VDAC1: variants seen among roughly 807,000 people sequenced by gnomAD.
The protein encoded by VDAC1 is voltage dependent anion channel 1.
A neutral mutation model predicts 34.7 loss-of-function variants in VDAC1; 10 were observed. The observed-to-expected ratio is 0.29, with a 90% confidence interval of 0.18 to 0.49. The LOEUF (loss-of-function observed/expected upper bound fraction) is 0.49. Among genes scored for constraint, VDAC1 ranks in the 20% least tolerant of loss-of-function variants. VDAC1 has a pLI of 0.99. For missense variants in VDAC1, 230 were observed against 347.9 expected, an observed-to-expected ratio of 0.66 and a Z score of 2.69; for synonymous variants, 130 against 136.0, an observed-to-expected ratio of 0.96 and a Z score of 0.30.
the VDAC1 span, among the ~76,000 whole-genome samples, chr5:134,071,553 C>T: frequency 6.6e-6 from 1 of 152,262 alleles, no homozygotes; most frequent in African/African-American, 2.4e-5. This position sits in a 1 kb window ranked among gnomAD's most constrained non-coding sequence, Gnocchi z 4.1. Context: ...ATGCAGATGA[C>T]CAGCTTCACC....
At chr5:134,065,963 T>G in the VDAC1 span, among the ~76,000 whole-genome samples, 1 of 151,234 alleles carries the variant, frequency 6.6e-6, no homozygotes, top group African/African-American at 2.4e-5. Context: ...CTGGCTAATT[T>G]CATATTTTTA....
the VDAC1 span, among the ~76,000 whole-genome samples, chr5:134,092,170 C>T: frequency 1.3e-5 from 2 of 152,194 alleles, no homozygotes; most frequent in Non-Finnish European, 2.9e-5. Flanking sequence ...ATCCCTTAAT[C>T]CAAATCCTGT....
intron 1 of VDAC1, among the ~76,000 whole-genome samples, chr5:133,994,552 C>A (rs1175458296): frequency 2.0e-5 from 3 of 152,156 alleles, no homozygotes; most frequent in Non-Finnish European, 4.4e-5. Flanking sequence ...GGGGGCTCCC[C>A]TCTCCCCACT....
chr5:133,984,057 T>A (rs1459408269), intron 5 of VDAC1, among the ~76,000 whole-genome samples: 1 of 151,984 alleles, frequency 6.6e-6, no homozygotes, highest in African/African-American at 2.4e-5. Context: ...TATCCTCAGG[T>A]ATTTTTTTCT....
chr5:134,021,804 G>A, the VDAC1 span, among the ~76,000 whole-genome samples: 1 of 152,158 alleles, frequency 6.6e-6, no homozygotes, highest in East Asian at 1.9e-4. Flanking sequence ...TACTTCTGGT[G>A]TGGGGCTGGC....
At chr5:134,001,715 T>TA (rs10717143) in intron 1 of VDAC1, among the ~76,000 whole-genome samples, 44,943 of 110,098 alleles carry the variant, frequency 0.41, 9,174 homozygotes, top group Middle Eastern at 0.48. Context: ...AGACTCCATC[T>TA]AAAAAAAAAA....
the VDAC1 span, among the ~76,000 whole-genome samples, chr5:134,088,186 A>AC: frequency 2.0e-5 from 3 of 152,010 alleles, no homozygotes; most frequent in Non-Finnish European, 4.4e-5. Context: ...ACAAAACAAA[A>AC]AAAACAAGCA....
the VDAC1 span, among the ~76,000 whole-genome samples, chr5:134,108,078 G>A: frequency 3.3e-5 from 5 of 152,218 alleles, no homozygotes; most frequent in Admixed American, 3.3e-4. Flanking sequence ...AAGGCAATGG[G>A]ACTCCTGAAA....
At chr5:134,085,189 C>A in the VDAC1 span, among the ~76,000 whole-genome samples, 3 of 152,168 alleles carry the variant, frequency 2.0e-5, no homozygotes, top group East Asian at 5.8e-4. Context: ...CTGCCTCAGC[C>A]TCCCGAGTAG....
the VDAC1 span, among the ~76,000 whole-genome samples, chr5:134,080,700 A>C: frequency 2.1e-3 from 317 of 152,274 alleles, 3 homozygotes; most frequent in Non-Finnish European, 3.7e-3. Flanking sequence ...TTTAAGTCTC[A>C]CAACAATATT....
At chr5:134,003,574 T>C (rs753369107) in intron 1 of VDAC1, among the ~76,000 whole-genome samples, 4 of 152,216 alleles carry the variant, frequency 2.6e-5, no homozygotes, top group Non-Finnish European at 4.4e-5. Flanking sequence ...TGAAAGAATG[T>C]TTAAAAACAG....
chr5:134,013,896 C>A, the VDAC1 span, among the ~76,000 whole-genome samples: 1 of 151,742 alleles, frequency 6.6e-6, no homozygotes, highest in Non-Finnish European at 1.5e-5. Flanking sequence ...GAGCTGAGAT[C>A]GTGCCACTGC....
the VDAC1 span, among the ~76,000 whole-genome samples, chr5:134,015,269 C>G: frequency 6.6e-6 from 1 of 152,062 alleles, no homozygotes; most frequent in Non-Finnish European, 1.5e-5. Flanking sequence ...GGGTACTATG[C>G]TCAATACCTG....
At position 133,972,848 on chromosome 5, in the gene VDAC1, G is replaced by A. The variant is rs148775498; in HGVS notation, c.775C>T (p.Leu259=). ...QTLKPGIKLT[L]SALLDGKNVN... Reference sequence around the variant, plus strand: ...TTCTTGCCATCCAGAAGAGCTGACAGTGTCAGTTTAATACCTGCAGGGAGA... The same window carrying A: ...TTCTTGCCATCCAGAAGAGCTGACAATGTCAGTTTAATACCTGCAGGGAGA... Residue 259 remains leucine (L), a synonymous_variant, in exon 9 of 9, where the codon CTG becomes TTG. Transcript: ENST00000265333. The A allele has an allele frequency of 3.1e-6, 5 of 1,613,622 alleles. No individual in the cohort carries two copies. The African/African-American group carries it at 5.3e-5, about 17-fold the overall frequency.
At chr5:134,006,965 C>T (rs2127051740), upstream of VDAC1, among the ~76,000 whole-genome samples, 1 of 151,720 alleles carries the variant, frequency 6.6e-6, no homozygotes. Context: ...GGCACTCGGC[C>T]CCGTGCAGTG....
intron 1 of VDAC1, among the ~76,000 whole-genome samples, chr5:133,998,233 C>T (rs771769228): frequency 1.2e-4 from 19 of 152,162 alleles, no homozygotes; most frequent in Non-Finnish European, 2.8e-4. Context: ...AGCCAATCTG[C>T]AAATTGGGGC....
the VDAC1 span, among the ~76,000 whole-genome samples, chr5:134,114,312 T>C: frequency 2.6e-5 from 4 of 151,942 alleles, no homozygotes; most frequent in Admixed American, 1.3e-4. Context: ...ACAGGGCGCA[T>C]TGGAGCCTGG....
At chr5:133,993,135 A>C in intron 1 of VDAC1, 117 bp from the exon 2 acceptor site, 1 of 1,050,622 alleles carries the variant, frequency 9.5e-7, no homozygotes, top group South Asian at 1.6e-5. Flanking sequence ...CACTAAGACT[A>C]CCAGGTAGCT....
Position 134,001,577 on chromosome 5 carries a change from G to T in VDAC1, c.-7+3318C>A, listed in dbSNP as rs1228324005. ...TAAAAAATACAAAAAAATTAGCCAGGCATGGTGGCAGGCGCCTGTAATCCC... is the reference window on the plus strand; with the variant it reads ...TAAAAAATACAAAAAAATTAGCCAGTCATGGTGGCAGGCGCCTGTAATCCC... On this transcript the variant is annotated intron_variant, in intron 1 of 8. Coordinates refer to ENST00000265333, the MANE Select transcript of VDAC1 (RefSeq NM_003374.3). Among the ~76,000 whole-genome samples, 3 of 151,964 alleles carry T rather than the reference G, an allele frequency of 2.0e-5. No individual in the cohort carries two copies. In the East Asian group the frequency reaches 5.8e-4, roughly 29 times the overall value.
Sources: allele counts gnomAD v4.1 joint callset (sites outside exome capture counted in the v4.1 genomes callset), GRCh38; gene constraint gnomAD v4.1.1; non-coding constraint Gnocchi (gnomAD v3.1); transcripts MANE v1.5; gene names NCBI Gene and HGNC (gene_info 2026-07-23, HGNC 2026-07-21).